Variants in SNTG2 observed in about 807,000 individuals in gnomAD.
The protein encoded by SNTG2 is gamma-2-syntrophin.
In SNTG2, 74 loss-of-function variants were observed where a neutral mutation model predicts 70.9. The observed-to-expected ratio is 1.04, with a 90% CI of 0.86 to 1.27. The LOEUF is 1.27. SNTG2 is among the 50% of genes most tolerant of loss of function. The probability of loss-of-function intolerance (pLI) is 0.00; values close to 1 mark genes in which losing one functional copy is unlikely to be tolerated. For synonymous variants in SNTG2, 278 were observed against 273.8 expected (o/e 1.02, Z -0.15); for missense variants, 717 against 690.7 (o/e 1.04, Z -0.43).
At chr2:1,028,156 G>A (rs1364254281) in intron 1 of SNTG2, among the ~76,000 whole-genome samples, 4 of 148,060 alleles carry the variant, frequency 2.7e-5, no homozygotes, top group Non-Finnish European at 4.4e-5. Flanking sequence ...ATCACTGAAG[G>A]TGCGTCTGAC....
At chr2:1,341,846 CTTTTTTT>C (rs368695045) in intron 16 of SNTG2, 3 of 137,270 alleles carry the variant, frequency 2.2e-5, no homozygotes, top group African/African-American at 2.6e-5. Context: ...ATTTTTATCG[CTTTTTTT>C]TTTTTTTTTT....
At position 1,317,677 on chromosome 2, in the gene SNTG2, T is replaced by C. The variant is rs1488118015; in HGVS notation, c.1488+1302T>C. On this transcript the variant is annotated intron_variant, in intron 16 of 16. Coordinates refer to ENST00000308624, the MANE Select transcript of SNTG2 (RefSeq NM_018968.4). The stretch of plus-strand genomic sequence containing the variant: ...TGGAGCATTTAGCATCAGGTCAGCA[T>C]TGGAGAAGGTTGGGATTCTGGAACA... Among the ~76,000 whole-genome samples the C allele has an allele frequency of 6.0e-5, 6 of 99,876 alleles. 1 individual carries two copies. The highest frequency in any genetic ancestry group is 2.2e-4 in the Admixed American group (2 of 9,180). The allele number at this position is 99,876 out of a possible 152,430, so 65.5% of individuals were successfully genotyped here. A position where few individuals can be genotyped will look rare whatever the true frequency, so the allele number is the denominator to read the frequency against.
intron 4 of SNTG2, among the ~76,000 whole-genome samples, chr2:1,109,436 C>T (rs547715685): frequency 6.5e-4 from 99 of 152,174 alleles, no homozygotes; most frequent in African/African-American, 2.3e-3. Context: ...GAATTCCTGA[C>T]ATTGATACTT....
chr2:1,145,198 A>G (rs1308913947), intron 6 of SNTG2, among the ~76,000 whole-genome samples: 1 of 152,180 alleles, frequency 6.6e-6, no homozygotes, highest in Non-Finnish European at 1.5e-5. Context: ...CCAGAAAAAG[A>G]GAAGCAATTT....
At position 1,105,393 on chromosome 2, in the gene SNTG2, T is replaced by C. The variant is rs190845796; in HGVS notation, c.325+6983T>C. ...CTGCATGAGGTCCACCTTAGGTGCT[T>C]AGACATTTAAATTCTTAGATATGGT... On this transcript the variant is annotated intron_variant, in intron 4 of 16. Transcript: ENST00000308624. Among the ~76,000 whole-genome samples the C allele has an allele frequency of 1.9e-3, 282 of 152,312 alleles. 1 individual carries two copies. Among genetic ancestry groups the C allele is most frequent in the African/African-American group, 6.5e-3 (270 of 41,556 alleles).
intron 11 of SNTG2, among the ~76,000 whole-genome samples, chr2:1,242,357 A>G (rs1180509465): frequency 6.6e-6 from 1 of 152,232 alleles, no homozygotes; most frequent in East Asian, 1.9e-4. Context: ...TGAAAGGATA[A>G]ATAAAGGTGT....
intron 4 of SNTG2, among the ~76,000 whole-genome samples, chr2:1,126,117 A>AT (rs1163703060): frequency 6.6e-6 from 1 of 152,156 alleles, no homozygotes; most frequent in East Asian, 1.9e-4. Context: ...GTAACTGTGT[A>AT]TCCTTAAAAA....
intron 1 of SNTG2, among the ~76,000 whole-genome samples, chr2:1,027,993 C>T (rs961886666): frequency 2.0e-5 from 3 of 151,412 alleles, no homozygotes; most frequent in Admixed American, 6.6e-5. Flanking sequence ...ATTGAAGGTG[C>T]GTCCGACCCA....
chr2:954,260 G>A (rs1288321850), intron 1 of SNTG2, among the ~76,000 whole-genome samples: 1 of 152,140 alleles, frequency 6.6e-6, no homozygotes, highest in Non-Finnish European at 1.5e-5. Flanking sequence ...CCCCGGCTTC[G>A]GGAACCACCA....
chr2:1,222,408 T>A (rs1487296553), intron 9 of SNTG2, among the ~76,000 whole-genome samples: 1 of 152,290 alleles, frequency 6.6e-6, no homozygotes, highest in Non-Finnish European at 1.5e-5. Flanking sequence ...TGTGGAGATT[T>A]CATAGGCTAT....
At chr2:960,549 G>A (rs534404308) in intron 1 of SNTG2, among the ~76,000 whole-genome samples, 1 of 152,284 alleles carries the variant, frequency 6.6e-6, no homozygotes, top group South Asian at 2.1e-4. Flanking sequence ...AGCTCTGAGG[G>A]TTCCGGGGCA....
intron 8 of SNTG2, among the ~76,000 whole-genome samples, chr2:1,206,824 C>G (rs1218145215): frequency 6.6e-6 from 1 of 152,168 alleles, no homozygotes; most frequent in Non-Finnish European, 1.5e-5. Flanking sequence ...AGGATGCATA[C>G]TATTTTGTTT....
At chr2:1,099,106 C>T (rs887804561) in intron 4 of SNTG2, among the ~76,000 whole-genome samples, 34 of 152,222 alleles carry the variant, frequency 2.2e-4, no homozygotes, top group Non-Finnish European at 7.3e-5. Flanking sequence ...GTCTCCCTAT[C>T]GGGAGGATTC....
At chr2:1,134,778 G>A (rs1211208944) in intron 4 of SNTG2, among the ~76,000 whole-genome samples, 2 of 152,152 alleles carry the variant, frequency 1.3e-5, no homozygotes, top group Non-Finnish European at 2.9e-5. Flanking sequence ...AGCAGGGGGC[G>A]TCGCTCGTTG....
At position 1,077,251 on chromosome 2, in the gene SNTG2, G is replaced by A. The variant is rs140752304; in HGVS notation, c.73-6267G>A. Among the ~76,000 whole-genome samples, 464 of 152,288 alleles carry A rather than the reference G, an allele frequency of 3.0e-3. 4 individuals are homozygous for A. The highest frequency in any genetic ancestry group is 6.6e-3 in the Admixed American group (101 of 15,304). On this transcript the variant is annotated intron_variant, in intron 1 of 16. Transcript: ENST00000308624. ...TCAACGTTCACATCTGTTTCTGAGT[G>A]TTTTCTGGGAACATTCTGTGCGTTC...
chr2:1,001,839 G>A (rs1018917863), intron 1 of SNTG2, among the ~76,000 whole-genome samples: 2 of 152,180 alleles, frequency 1.3e-5, no homozygotes, highest in South Asian at 2.1e-4. Flanking sequence ...AAAGCTGGAG[G>A]TATCACATTA....
intron 6 of SNTG2, chr2:1,160,120 A>C (rs1170686872): frequency 6.6e-6 from 1 of 152,254 alleles, no homozygotes; most frequent in Non-Finnish European, 1.5e-5. Flanking sequence ...CATGGTGTAC[A>C]TGGTGTATGA....
At chr2:999,038 G>A (rs1029951285) in intron 1 of SNTG2, among the ~76,000 whole-genome samples, 1 of 152,026 alleles carries the variant, frequency 6.6e-6, no homozygotes, top group Non-Finnish European at 1.5e-5. Flanking sequence ...TTTATATCTT[G>A]CTACACTAAG....
At chr2:1,149,752 A>G (rs1242687562) in intron 6 of SNTG2, among the ~76,000 whole-genome samples, 2 of 147,642 alleles carry the variant, frequency 1.4e-5, no homozygotes, top group East Asian at 2.0e-4. Context: ...CAGTGGTGCA[A>G]TCTTGGCTCA....
Sources: gnomAD v4.1 joint callset for allele counts (sites outside exome capture counted in the v4.1 genomes callset) on GRCh38, gnomAD v4.1.1 for gene constraint, MANE v1.5 for transcripts, NCBI Gene and HGNC (gene_info 2026-07-23, HGNC 2026-07-21) for gene names.